The following ARHGEF10 variants were observed in gnomAD, a reference collection of about 807,000 sequenced individuals.
ARHGEF10 encodes Rho guanine nucleotide exchange factor (GEF) 10.
Under a neutral mutation model 147.4 loss-of-function variants are expected in ARHGEF10, and 140 were observed. That is an observed-to-expected ratio of 0.95 (90% CI 0.83 to 1.09). The LOEUF is 1.09. ARHGEF10 is among the 50% of genes least tolerant of loss of function. ARHGEF10 has a pLI of 0.00. For missense variants in ARHGEF10, 2,222 were observed against 1,752.7 expected, an observed-to-expected ratio of 1.27 and a Z score of -4.78; for synonymous variants, 902 against 695.8, an observed-to-expected ratio of 1.30 and a Z score of -4.67.
At chr8:1,864,524 C>T (rs1463604054) in intron 5 of ARHGEF10, 88 bp downstream of exon 5, 27 of 1,376,594 alleles carry the variant, frequency 2.0e-5, no homozygotes, top group Middle Eastern at 1.8e-4. Context: ...TGTCCCTGCC[C>T]GCCATCCTCA....
chr8:1,884,611 C>G (rs1196462247), intron 10 of ARHGEF10, among the ~76,000 whole-genome samples: 1 of 152,114 alleles, frequency 6.6e-6, no homozygotes, highest in Admixed American at 6.5e-5. Context: ...TTTAAAGCCC[C>G]TTAGATAGAT....
chr8:1,855,918 C>CA (rs200606477), intron 2 of ARHGEF10, among the ~76,000 whole-genome samples: 5,039 of 142,182 alleles, frequency 0.035, 188 homozygotes, highest in East Asian at 0.17. Flanking sequence ...AATGATATGG[C>CA]AAAAAAAAAA....
chr8:1,836,600 C>T (rs564197116), intron 1 of ARHGEF10, among the ~76,000 whole-genome samples: 2 of 151,976 alleles, frequency 1.3e-5, no homozygotes, highest in East Asian at 3.9e-4. Context: ...CACAGCAGGT[C>T]GGAGTTGGGG....
chr8:1,864,283 G>C, intron 4 of ARHGEF10, 90 bp from the exon 5 acceptor site: 1 of 1,306,724 alleles, frequency 7.7e-7, no homozygotes, highest in South Asian at 1.2e-5. Flanking sequence ...TGATAGGAAA[G>C]TGTGAAACCA....
rs188327595 is a variant in ARHGEF10, at chr8:1,887,404, C to T, written c.1182+1697C>T. On this transcript the variant is annotated intron_variant, in intron 11 of 28. Transcript: ENST00000349830. ...GATGCGGGGGTGAGTGTGAAAGAGG[C>T]GATGCCAGACCCTGAGTGGGGTGTG... Among the ~76,000 whole-genome samples the T allele has an allele frequency of 2.9e-4, 44 of 151,034 alleles. 1 individual carries two copies. Among genetic ancestry groups the T allele is most frequent in the Admixed American group, 3.9e-4 (6 of 15,200 alleles).
chr8:1,906,089 A>G (rs534460309), intron 17 of ARHGEF10, among the ~76,000 whole-genome samples: 6 of 152,206 alleles, frequency 3.9e-5, no homozygotes, highest in Non-Finnish European at 8.8e-5. Flanking sequence ...GTTTAAATAT[A>G]ATAAAGTTGG....
At chr8:1,838,098 C>T (rs1371907765) in intron 1 of ARHGEF10, among the ~76,000 whole-genome samples, 2 of 152,276 alleles carry the variant, frequency 1.3e-5, no homozygotes, top group East Asian at 3.9e-4. Flanking sequence ...TCCTGTTCCC[C>T]GAGGTCCTGG....
intron 17 of ARHGEF10, among the ~76,000 whole-genome samples, chr8:1,907,209 G>A (rs543691497): frequency 1.7e-4 from 26 of 152,330 alleles, no homozygotes; most frequent in Non-Finnish European, 1.9e-4. Flanking sequence ...TTCCCATAGT[G>A]TGGAGACTAA....
chr8:1,908,137 A>C (rs946890429), intron 17 of ARHGEF10, among the ~76,000 whole-genome samples: 1 of 151,552 alleles, frequency 6.6e-6, no homozygotes, highest in Non-Finnish European at 1.5e-5. Flanking sequence ...AAGGAACTGG[A>C]GAGCTTGGGT....
intron 5 of ARHGEF10, among the ~76,000 whole-genome samples, chr8:1,865,614 C>T (rs1275334522): frequency 6.6e-6 from 1 of 152,242 alleles, no homozygotes. Context: ...CACCAGGACA[C>T]GGGCTCTCTT....
chr8:1,882,420 T>A (rs960539370), intron 9 of ARHGEF10, among the ~76,000 whole-genome samples: 4 of 152,220 alleles, frequency 2.6e-5, no homozygotes, highest in African/African-American at 4.8e-5. Flanking sequence ...GCAGGGAACA[T>A]GTTTCACCAT....
In ARHGEF10 at chr8:1,885,645, G is replaced by T. The variant is rs546137039; in HGVS notation, c.1120G>T (p.Val374Phe). The change falls in exon 11 of 29, where the codon GTT (valine) becomes TTT (phenylalanine). Residue 374 changes from valine (V) to phenylalanine (F), a missense_variant. Val to Phe is a conservative substitution (Grantham distance 50). Coordinates refer to ENST00000349830, the MANE Select transcript of ARHGEF10 (RefSeq NM_014629.4). ...LEEEQNLFID[V>F]DCKHPEAILT... ...GGAAGAACAGAATTTGTTCATTGAT[G>T]TTGACTGCAAGCACCCGGAAGCCAT... 2 of 1,613,944 alleles carry T rather than the reference G, an allele frequency of 1.2e-6. No homozygotes were observed. The highest frequency in any genetic ancestry group is 2.2e-5 in the South Asian group (2 of 91,070).
chr8:1,873,387 A>C (rs1807300515), intron 7 of ARHGEF10, among the ~76,000 whole-genome samples: 1 of 151,846 alleles, frequency 6.6e-6, no homozygotes. Context: ...AAGCAAAAGC[A>C]AGAGGAGAAA....
At chr8:1,903,214 G>T in intron 15 of ARHGEF10, 67 bp from the exon 16 acceptor site, 1 of 1,583,166 alleles carries the variant, frequency 6.3e-7, no homozygotes, top group South Asian at 1.1e-5. Context: ...GCTGGCGGGT[G>T]ACGCGACTGT....
intron 10 of ARHGEF10, among the ~76,000 whole-genome samples, chr8:1,883,024 C>T (rs1332869416): frequency 6.6e-6 from 1 of 152,188 alleles, no homozygotes; most frequent in Non-Finnish European, 1.5e-5. Flanking sequence ...GTGCAGGGGC[C>T]TCTGTCACTG....
In ARHGEF10 at chr8:1,926,588, C is replaced by G. The variant is rs73671056; in HGVS notation, c.2697+125C>G. 1.2e-3 allele frequency: 1,030 copies of G among 862,104 alleles called. 11 individuals carry two copies. In the African/African-American group the frequency reaches 0.015, roughly 12 times the overall value. The allele number at this position is 862,104 out of a possible 1,614,324, so 53.4% of individuals were successfully genotyped here. A position where few individuals can be genotyped will look rare whatever the true frequency, so the allele number is the denominator to read the frequency against. ...TGGCGGTGGCGTATCCCAGAGTGTA[C>G]TTAGAAACATGAAAACTTCTTTGAA... On this transcript the variant is annotated intron_variant, in intron 23 of 28. Transcript: ENST00000349830.
intron 2 of ARHGEF10, among the ~76,000 whole-genome samples, chr8:1,844,834 A>C (rs947337568): frequency 1.3e-5 from 2 of 152,152 alleles, no homozygotes; most frequent in African/African-American, 4.8e-5. Flanking sequence ...TGGGAGACTG[A>C]GGTGAGTGAA....
At chr8:1,850,774 A>G (rs1266276057) in intron 2 of ARHGEF10, among the ~76,000 whole-genome samples, 3 of 152,194 alleles carry the variant, frequency 2.0e-5, no homozygotes, top group Non-Finnish European at 4.4e-5. Flanking sequence ...TTTATTCATA[A>G]TTGCCAGAAC....
intron 9 of ARHGEF10, 90 bp from the exon 10 acceptor site, chr8:1,882,545 T>G: frequency 9.4e-7 from 1 of 1,064,474 alleles, no homozygotes; most frequent in Non-Finnish European, 1.4e-6. Context: ...AGAACCAGAC[T>G]ACTTGACAGT....
Sources: allele counts gnomAD v4.1 joint callset (sites outside exome capture counted in the v4.1 genomes callset), GRCh38; gene constraint gnomAD v4.1.1; transcripts MANE v1.5; gene names NCBI Gene and HGNC (gene_info 2026-07-23, HGNC 2026-07-21).